NF1: variants seen among roughly 807,000 people sequenced by gnomAD.
The protein encoded by NF1 is neurofibromin.
Under a neutral mutation model 325.7 loss-of-function variants are expected in NF1, and 122 were observed. The observed-to-expected ratio is 0.37, with a 90% CI of 0.32 to 0.44. The LOEUF (loss-of-function observed/expected upper bound fraction) is 0.44, where lower values mean the gene tolerates loss of function less well. NF1 is among the 20% of genes least tolerant of loss of function. The probability of loss-of-function intolerance (pLI) is 1.00; values close to 1 mark genes in which losing one functional copy is unlikely to be tolerated. For missense variants in NF1, 2,140 were observed against 3,415.4 expected (o/e 0.63, Z 9.31); for synonymous variants, 1,091 against 1,186.0 (o/e 0.92, Z 1.65).
chr17:31,220,637 C>T (rs1212346766), intron 14 of NF1, among the ~76,000 whole-genome samples: 1 of 151,584 alleles, frequency 6.6e-6, no homozygotes, highest in African/African-American at 2.4e-5. Context: ...GATCACACAG[C>T]AATATGGAAA....
Position 31,338,090 on chromosome 17 carries a change from A to G in NF1, c.6770A>G (p.Lys2257Arg). ...CTTGTTGTCTTTGGGTGTATTAGCA[A>G]ACGAGTGTCTCATGGGCAGATAAAG... ...RALVVFGCIS[K>R]RVSHGQIKQI... The change falls in exon 45 of 58, where the codon AAA becomes AGA. Residue 2257 changes from lysine (K) to arginine (R), a missense_variant. Transcript: ENST00000358273. 1 of 1,613,942 alleles carries G rather than the reference A, an allele frequency of 6.2e-7. No homozygotes were observed. Among genetic ancestry groups the G allele is most frequent in the South Asian group, 1.1e-5 (1 of 91,072 alleles).
At chr17:31,332,030 A>G (rs1200951544) in intron 39 of NF1, 1 of 151,958 alleles carries the variant, frequency 6.6e-6, no homozygotes, top group East Asian at 1.9e-4. Context: ...ATATGAAGTA[A>G]AAAAGTGATA....
chr17:31,172,402 T>C (rs1268726380), intron 5 of NF1, among the ~76,000 whole-genome samples: 5 of 152,186 alleles, frequency 3.3e-5, no homozygotes, highest in Admixed American at 3.3e-4. Flanking sequence ...TACCTATCTG[T>C]ATATAGATAT....
At chr17:31,250,969 G>A (rs1478567174) in intron 30 of NF1, 1 of 192,150 alleles carries the variant, frequency 5.2e-6, no homozygotes, top group Non-Finnish European at 1.1e-5. Context: ...TTGGGTAAAA[G>A]CATTGTTGAA....
intron 31 of NF1, among the ~76,000 whole-genome samples, chr17:31,257,365 A>G (rs1458038054): frequency 1.3e-5 from 2 of 152,208 alleles, no homozygotes; most frequent in Admixed American, 1.3e-4. Flanking sequence ...AGTGTTCTTT[A>G]AAAATGAACA....
chr17:31,120,615 T>G (rs1914341000), intron 1 of NF1, among the ~76,000 whole-genome samples: 1 of 152,150 alleles, frequency 6.6e-6, no homozygotes, highest in Non-Finnish European at 1.5e-5. Flanking sequence ...CTTGCCTGAT[T>G]GCCCTGGCCA....
chr17:31,113,006 A>C (rs1344555463), intron 1 of NF1, among the ~76,000 whole-genome samples: 1 of 152,156 alleles, frequency 6.6e-6, no homozygotes, highest in Non-Finnish European at 1.5e-5. Flanking sequence ...ATATCAAGTC[A>C]GGTAGTATAA....
At chr17:31,250,606 T>C (rs1203691203) in intron 30 of NF1, 2 of 195,946 alleles carry the variant, frequency 1.0e-5, no homozygotes, top group Non-Finnish European at 2.1e-5. Context: ...ATGAGCAAAG[T>C]TGGAGACCGT....
At chr17:31,101,337 T>A (rs1391457065) in intron 1 of NF1, among the ~76,000 whole-genome samples, 2 of 152,186 alleles carry the variant, frequency 1.3e-5, no homozygotes, top group Non-Finnish European at 2.9e-5. Flanking sequence ...TGTTCTGCTA[T>A]TCAGTGCCTT....
intron 43 of NF1, 45 bp downstream of exon 43, chr17:31,337,627 TA>T (rs1567617566): frequency 3.9e-6 from 6 of 1,556,024 alleles, no homozygotes; most frequent in Non-Finnish European, 5.3e-6. Flanking sequence ...AATCTTTTTT[TA>T]AAAATATGTT....
At position 31,364,161 on chromosome 17, in the gene NF1, T is replaced by C. The variant is rs78141731; in HGVS notation, c.8377+3458T>C. Among the ~76,000 whole-genome samples, 65 of 152,296 alleles carry C rather than the reference T, an allele frequency of 4.3e-4. 1 individual carries two copies. In the East Asian group the frequency reaches 0.013, roughly 29 times the overall value. ...TTTAGCTGTATAGAAACCAAAACAT[T>C]TCCTTATCTCCATTCCCAGCAGCCA... On this transcript the variant is annotated intron_variant, in intron 57 of 57. Coordinates refer to ENST00000358273, the MANE Select transcript of NF1 (RefSeq NM_001042492.3).
chr17:31,234,958 C>A (rs2151437188), intron 27 of NF1, among the ~76,000 whole-genome samples: 1 of 152,150 alleles, frequency 6.6e-6, no homozygotes, highest in African/African-American at 2.4e-5. Flanking sequence ...ATCATTTTTT[C>A]TTGAGTGTAC....
chr17:31,244,208 T>C (rs1218201482), intron 29 of NF1, among the ~76,000 whole-genome samples: 4 of 152,092 alleles, frequency 2.6e-5, no homozygotes, highest in Non-Finnish European at 5.9e-5. Context: ...TCCTCTTTAC[T>C]CTCTCCACTC....
At chr17:31,108,310 TA>T (rs1913075447) in intron 1 of NF1, among the ~76,000 whole-genome samples, 1 of 128,584 alleles carries the variant, frequency 7.8e-6, no homozygotes, top group Non-Finnish European at 1.6e-5. Flanking sequence ...AGTCTCACTC[TA>T]TTACCCAGGC....
At chr17:31,239,550 TGGG>T (rs140263230) in intron 29 of NF1, among the ~76,000 whole-genome samples, 3 of 147,736 alleles carry the variant, frequency 2.0e-5, no homozygotes, top group Non-Finnish European at 4.4e-5. Flanking sequence ...TAAAGCAAGA[TGGG>T]GGGAGGAATC....
At chr17:31,278,493 C>CTTTTTTTTTT (rs200450821) in intron 36 of NF1, among the ~76,000 whole-genome samples, 1 of 15,340 alleles carries the variant, frequency 6.5e-5, no homozygotes. Context: ...GTAATTGAAG[C>CTTTTTTTTTT]TTTTTTTTTT....
chr17:31,183,756 T>C (rs909044359), intron 8 of NF1, among the ~76,000 whole-genome samples: 1 of 152,164 alleles, frequency 6.6e-6, no homozygotes, highest in African/African-American at 2.4e-5. Context: ...GCTGCCAGCA[T>C]GGCTGGAGTA....
intron 1 of NF1, among the ~76,000 whole-genome samples, chr17:31,105,695 G>A (rs1912797445): frequency 6.6e-6 from 1 of 152,068 alleles, no homozygotes; most frequent in East Asian, 1.9e-4. Context: ...TGTTTTTTTA[G>A]TAGAGACAGG....
chr17:31,342,741 G>A (rs1480339272), intron 47 of NF1, among the ~76,000 whole-genome samples: 1 of 152,184 alleles, frequency 6.6e-6, no homozygotes, highest in Non-Finnish European at 1.5e-5. Flanking sequence ...AAGTCACCGG[G>A]ATGTAAATTG....
Sources: gnomAD v4.1 joint callset for allele counts (sites outside exome capture counted in the v4.1 genomes callset) on GRCh38, gnomAD v4.1.1 for gene constraint, MANE v1.5 for transcripts, NCBI Gene and HGNC (gene_info 2026-07-23, HGNC 2026-07-21) for gene names.